Variants in BCR observed in about 807,000 individuals in gnomAD.
The protein encoded by BCR is breakpoint cluster region protein.
In BCR, 58 loss-of-function variants were observed where a neutral mutation model predicts 138.6. The observed-to-expected ratio is 0.42, with a 90% CI of 0.34 to 0.52. The LOEUF (loss-of-function observed/expected upper bound fraction) is 0.52, where lower values mean the gene tolerates loss of function less well. BCR is among the 20% of genes least tolerant of loss of function. BCR has a pLI of 0.06. For missense variants in BCR, 1,599 were observed against 1,727.2 expected (o/e 0.93, Z 1.32); for synonymous variants, 786 against 730.1 (o/e 1.08, Z -1.23).
At chr22:23,246,499 A>G (rs1046344095) in intron 1 of BCR, among the ~76,000 whole-genome samples, 5 of 152,108 alleles carry the variant, frequency 3.3e-5, no homozygotes, top group Non-Finnish European at 7.3e-5. Flanking sequence ...TGTTTTGATT[A>G]TACACCTAGG....
intron 1 of BCR, among the ~76,000 whole-genome samples, chr22:23,228,188 A>G (rs2072915275): frequency 6.6e-6 from 1 of 152,166 alleles, no homozygotes; most frequent in Non-Finnish European, 1.5e-5. Context: ...AAAAAATTTT[A>G]GAGACCTTTC....
intron 1 of BCR, among the ~76,000 whole-genome samples, chr22:23,241,394 A>G (rs2073090063): frequency 2.0e-5 from 3 of 152,116 alleles, no homozygotes; most frequent in African/African-American, 7.2e-5. Context: ...GGGAGGACCC[A>G]CAGGTGTGCA....
intron 1 of BCR, among the ~76,000 whole-genome samples, chr22:23,207,883 G>GC (rs1263912097): frequency 6.6e-6 from 1 of 152,118 alleles, no homozygotes; most frequent in East Asian, 1.9e-4. Flanking sequence ...GTGTGCGACT[G>GC]CCATAGGCCC....
intron 5 of BCR, among the ~76,000 whole-genome samples, chr22:23,269,452 G>C (rs1278727755): frequency 6.6e-6 from 1 of 152,220 alleles, no homozygotes; most frequent in Non-Finnish European, 1.5e-5. Flanking sequence ...GGGAGTGAAT[G>C]CGGTCACCCT....
At chr22:23,294,213 T>G (rs1044434521) in intron 15 of BCR, among the ~76,000 whole-genome samples, 17 of 152,206 alleles carry the variant, frequency 1.1e-4, no homozygotes, top group Admixed American at 1.0e-3. Flanking sequence ...TTGATGAGCC[T>G]GCATTAACCC....
At chr22:23,224,394 G>A (rs2072864199) in intron 1 of BCR, among the ~76,000 whole-genome samples, 1 of 152,180 alleles carries the variant, frequency 6.6e-6, no homozygotes, top group African/African-American at 2.4e-5. Flanking sequence ...TCTCACTTGT[G>A]CCTCCAGGAG....
intron 16 of BCR, 91 bp downstream of exon 16, chr22:23,295,246 A>C: frequency 1.8e-5 from 11 of 608,652 alleles, no homozygotes; most frequent in Non-Finnish European, 2.7e-5. Flanking sequence ...ATGGCCTTGC[A>C]CCCAGGGTGG....
chr22:23,222,708 G>A (rs2072839473), intron 1 of BCR, among the ~76,000 whole-genome samples: 2 of 152,168 alleles, frequency 1.3e-5, no homozygotes, highest in South Asian at 4.1e-4. Flanking sequence ...GGCCTGTGAA[G>A]CTGAGTTCAA....
Position 23,301,901 on chromosome 22 carries a change from C to T in BCR, c.3012+6746C>T, listed in dbSNP as rs540682981. Among the ~76,000 whole-genome samples, 122 of 152,308 alleles carry T rather than the reference C, an allele frequency of 8.0e-4. 1 individual carries two copies. The highest frequency in any genetic ancestry group is 1.5e-3 in the Non-Finnish European group (104 of 68,032). ...TCGGGGCTGGCTTGGAAGGGACACCCGACTTGGGTCCTCTTGCACCTGCCC... is the reference window on the plus strand; with the variant it reads ...TCGGGGCTGGCTTGGAAGGGACACCTGACTTGGGTCCTCTTGCACCTGCCC... On this transcript the variant is annotated intron_variant, in intron 16 of 22. Coordinates refer to ENST00000305877, the MANE Select transcript of BCR (RefSeq NM_004327.4).
chr22:23,250,484 C>T (rs984892867), intron 1 of BCR, among the ~76,000 whole-genome samples: 7 of 152,136 alleles, frequency 4.6e-5, no homozygotes, highest in Admixed American at 2.6e-4. Context: ...TTTGCTGGCC[C>T]GACCAAAAAC....
chr22:23,248,151 C>T (rs960643848), intron 1 of BCR, among the ~76,000 whole-genome samples: 4 of 152,062 alleles, frequency 2.6e-5, no homozygotes, highest in African/African-American at 7.3e-5. Context: ...CCAGACCAGC[C>T]TGGGCAACAT....
At chr22:23,222,850 G>A (rs1451098608) in intron 1 of BCR, among the ~76,000 whole-genome samples, 1 of 152,184 alleles carries the variant, frequency 6.6e-6, no homozygotes, top group African/African-American at 2.4e-5. Flanking sequence ...GTCTTAGTCT[G>A]TTCAGGCTGC....
chr22:23,295,384 A>G (rs2073834122), intron 16 of BCR, among the ~76,000 whole-genome samples: 1 of 152,120 alleles, frequency 6.6e-6, no homozygotes, highest in African/African-American at 2.4e-5. Context: ...CTCATTCCCA[A>G]AGGAATTTCC....
chr22:23,264,000 G>T, intron 4 of BCR: 1 of 887,704 alleles, frequency 1.1e-6, no homozygotes, highest in Non-Finnish European at 1.9e-6. Flanking sequence ...TCCCCCAAGG[G>T]CTGGGGTGCT....
At chr22:23,282,749 ACT>A (rs577316869) in intron 8 of BCR, among the ~76,000 whole-genome samples, 2 of 151,920 alleles carry the variant, frequency 1.3e-5, no homozygotes, top group African/African-American at 2.4e-5. Context: ...GGGTTTTCAC[ACT>A]CTCTGTTGTA....
intron 13 of BCR, chr22:23,289,892 A>G (rs2073764899): frequency 1.8e-6 from 1 of 542,440 alleles, no homozygotes; most frequent in East Asian, 3.1e-5. Context: ...CGCTCCTCAG[A>G]TGCTCTGTGC....
intron 9 of BCR, 143 bp downstream of exon 9, chr22:23,284,241 T>A: frequency 7.6e-7 from 1 of 1,307,386 alleles, no homozygotes; most frequent in Non-Finnish European, 1.0e-6. Flanking sequence ...GGCTCCAGGT[T>A]AAAGATTGTC....
At position 23,289,508 on chromosome 22, in the gene BCR, A is replaced by C. The variant is rs780632665; in HGVS notation, c.2603-9A>C. ...GACCAATTGGTGCACCTCTTTTCCAACCTCCCAGGTTTCAGAAGCTTCTCC... is the reference window on the plus strand; with the variant it reads ...GACCAATTGGTGCACCTCTTTTCCACCCTCCCAGGTTTCAGAAGCTTCTCC... On this transcript the variant is annotated splice_polypyrimidine_tract_variant and intron_variant, in intron 12 of 22. Transcript: ENST00000305877. 79 of 1,612,068 alleles carry C rather than the reference A, an allele frequency of 4.9e-5. No individual in the cohort carries two copies. The highest frequency in any genetic ancestry group is 6.6e-5 in the Non-Finnish European group (78 of 1,178,512).
At chr22:23,276,246 A>G (rs973552202) in intron 8 of BCR, among the ~76,000 whole-genome samples, 1 of 152,054 alleles carries the variant, frequency 6.6e-6, no homozygotes, top group African/African-American at 2.4e-5. Flanking sequence ...AAAAATACAA[A>G]AAATTAGCTG....
Sources: gnomAD v4.1 joint callset for allele counts (sites outside exome capture counted in the v4.1 genomes callset) on GRCh38, gnomAD v4.1.1 for gene constraint, MANE v1.5 for transcripts, NCBI Gene and HGNC (gene_info 2026-07-23, HGNC 2026-07-21) for gene names.